The following TRPS1 variants were observed in gnomAD, a reference collection of about 807,000 sequenced individuals.
The protein encoded by TRPS1 is transcriptional repressor GATA binding 1, also known as zinc finger transcription factor Trps1.
A neutral mutation model predicts 101.2 loss-of-function variants in TRPS1; 6 were observed. That is an observed-to-expected ratio of 0.06 (90% CI 0.03 to 0.12). TRPS1 has a LOEUF of 0.12. Among genes scored for constraint, TRPS1 ranks in the 10% least tolerant of loss-of-function variants. The pLI, the probability that TRPS1 is intolerant of heterozygous loss-of-function variation, is 1.00. For missense variants in TRPS1, 1,363 were observed against 1,567.0 expected (o/e 0.87, Z 2.20); for synonymous variants, 578 against 589.8 (o/e 0.98, Z 0.29).
At chr8:115,517,794 G>A (rs1414084372) in intron 5 of TRPS1, among the ~76,000 whole-genome samples, 1 of 151,738 alleles carries the variant, frequency 6.6e-6, no homozygotes, top group East Asian at 1.9e-4. Context: ...ACCTTTGTCA[G>A]TCTGACTCCA....
intron 6 of TRPS1, among the ~76,000 whole-genome samples, chr8:115,417,536 T>C (rs944393933): frequency 2.6e-5 from 4 of 152,086 alleles, no homozygotes; most frequent in Admixed American, 2.6e-4. Flanking sequence ...TCAGCTCTTG[T>C]CAGCAGATGA....
intron 1 of TRPS1, among the ~76,000 whole-genome samples, chr8:115,654,240 A>T (rs370244595): frequency 1.1e-4 from 17 of 152,320 alleles, no homozygotes; most frequent in African/African-American, 3.8e-4. Context: ...AAGTTGAGAA[A>T]TTTAAAAGAA....
At chr8:115,550,205 C>A (rs1816671255) in intron 5 of TRPS1, among the ~76,000 whole-genome samples, 1 of 152,146 alleles carries the variant, frequency 6.6e-6, no homozygotes, top group Admixed American at 6.5e-5. Context: ...CTGAGCAAGA[C>A]TCTGTCTCAA....
chr8:115,666,029 G>T (rs1306139487), intron 1 of TRPS1, among the ~76,000 whole-genome samples: 1 of 152,146 alleles, frequency 6.6e-6, no homozygotes, highest in East Asian at 1.9e-4. Context: ...CACATTCAGA[G>T]AAATCAAGTT....
intron 5 of TRPS1, among the ~76,000 whole-genome samples, chr8:115,476,867 C>T (rs910228471): frequency 6.6e-6 from 1 of 152,144 alleles, no homozygotes; most frequent in African/African-American, 2.4e-5. Flanking sequence ...TAAAGAATAT[C>T]GCCCTCCAAT....
chr8:115,415,675 A>G (rs185439045), intron 6 of TRPS1, among the ~76,000 whole-genome samples: 5 of 152,252 alleles, frequency 3.3e-5, no homozygotes, highest in Admixed American at 2.6e-4. Flanking sequence ...AGGAAGAGAA[A>G]GAGATCTCTC....
intron 1 of TRPS1, among the ~76,000 whole-genome samples, chr8:115,651,817 G>A (rs927721751): frequency 4.6e-5 from 7 of 152,186 alleles, no homozygotes; most frequent in Admixed American, 3.3e-4. Flanking sequence ...AACAAAAGTC[G>A]GTGTGAGAAT....
At chr8:115,625,501 C>T (rs957375560) in intron 1 of TRPS1, among the ~76,000 whole-genome samples, 6 of 151,808 alleles carry the variant, frequency 4.0e-5, no homozygotes, top group Admixed American at 1.3e-4. Context: ...TAAATACCAC[C>T]GAAGCCTATC....
chr8:115,562,282 AG>A (rs1489004062), intron 5 of TRPS1, among the ~76,000 whole-genome samples: 2 of 152,136 alleles, frequency 1.3e-5, no homozygotes, highest in African/African-American at 4.8e-5. Flanking sequence ...AGCTTTCAAT[AG>A]TCTCTTTACT....
At chr8:115,472,913 G>T (rs1278872925) in intron 5 of TRPS1, among the ~76,000 whole-genome samples, 1 of 152,154 alleles carries the variant, frequency 6.6e-6, no homozygotes, top group Non-Finnish European at 1.5e-5. Flanking sequence ...ATCTCCATCT[G>T]AGATCAGCTA....
In TRPS1 at chr8:115,589,357, T is replaced by C. The variant is rs528246737; in HGVS notation, c.2097-1753A>G. Among the ~76,000 whole-genome samples, 3 of 152,314 alleles carry C rather than the reference T, an allele frequency of 2.0e-5. No individual in the cohort carries two copies. In the South Asian group the frequency reaches 6.2e-4, roughly 32 times the overall value. ...AATAACTTCATTCCTTTATAAGACA[T>C]GTCTGATGGCTGAAATTCCAAAAGA... is the stretch of plus-strand genomic sequence containing the variant. On this transcript the variant is annotated intron_variant, in intron 4 of 6. Transcript: ENST00000395715.
intron 5 of TRPS1, among the ~76,000 whole-genome samples, chr8:115,584,901 G>A (rs983253085): frequency 6.6e-6 from 1 of 152,054 alleles, no homozygotes; most frequent in African/African-American, 2.4e-5. Flanking sequence ...TAAAATTGGT[G>A]ATTTCCAAAA....
chr8:115,537,849 G>A (rs72680006), intron 5 of TRPS1, among the ~76,000 whole-genome samples: 4,320 of 152,202 alleles, frequency 0.028, 79 homozygotes, highest in African/African-American at 0.04. Context: ...ATTTGCTCCC[G>A]GTTTAATCTT....
intron 1 of TRPS1, among the ~76,000 whole-genome samples, chr8:115,662,719 A>C (rs1017368004): frequency 1.6e-4 from 24 of 151,646 alleles, no homozygotes; most frequent in African/African-American, 5.8e-4. Flanking sequence ...GAAACTATAA[A>C]TACTGTTTGA....
At chr8:115,449,517 A>G (rs1006463147) in intron 5 of TRPS1, among the ~76,000 whole-genome samples, 1 of 152,202 alleles carries the variant, frequency 6.6e-6, no homozygotes, top group Non-Finnish European at 1.5e-5. Flanking sequence ...TCTCATTGCA[A>G]ACAAATCCAA....
At position 115,622,246 on chromosome 8, in the gene TRPS1, T is replaced by C. The variant is rs145695073; in HGVS notation, c.37+1355A>G. On this transcript the variant is annotated intron_variant, in intron 2 of 6. Transcript: ENST00000395715. ...TTTTTAATGTTTGCATTTCAATGTC[T>C]TATGTGTTATGTCAACCTTTTAGGA... 7.0e-4 allele frequency among the ~76,000 whole-genome samples: 107 copies of C among 152,258 alleles called. 1 individual carries two copies. The East Asian group carries it at 0.016, about 22-fold the overall frequency.
chr8:115,448,130 ACACTT>A (rs967788804), intron 5 of TRPS1, among the ~76,000 whole-genome samples: 6 of 152,178 alleles, frequency 3.9e-5, no homozygotes, highest in African/African-American at 1.4e-4. Flanking sequence ...AACAACAACA[ACACTT>A]GTGAGTATTA....
At chr8:115,531,029 T>C (rs940111919) in intron 5 of TRPS1, among the ~76,000 whole-genome samples, 5 of 152,036 alleles carry the variant, frequency 3.3e-5, no homozygotes, top group African/African-American at 4.8e-5. Context: ...TGTATACATA[T>C]GTAACAAACC....
chr8:115,492,334 T>C (rs770268502), intron 5 of TRPS1: 2 of 447,676 alleles, frequency 4.5e-6, no homozygotes, highest in Non-Finnish European at 9.0e-6. Context: ...GAGAGGCAGA[T>C]AATTTTGCAG....
Sources: allele counts gnomAD v4.1 joint callset (sites outside exome capture counted in the v4.1 genomes callset), GRCh38; gene constraint gnomAD v4.1.1; transcripts MANE v1.5; gene names NCBI Gene and HGNC (gene_info 2026-07-23, HGNC 2026-07-21).